Variants in NRXN3 observed in about 807,000 individuals in gnomAD.
NRXN3 encodes neurexin 3.
A neutral mutation model predicts 137.6 loss-of-function variants in NRXN3; 32 were observed. That is an observed-to-expected ratio of 0.23 (90% confidence interval 0.18 to 0.31). The LOEUF is 0.31. Among genes scored for constraint, NRXN3 ranks in the 10% least tolerant of loss-of-function variants. The pLI, the probability that NRXN3 is intolerant of heterozygous loss-of-function variation, is 1.00. For synonymous variants in NRXN3, 798 were observed against 784.5 expected (o/e 1.02, Z -0.29); for missense variants, 1,574 against 2,062.5 (o/e 0.76, Z 4.59).
chr14:79,511,703 A>G (rs534301792), intron 16 of NRXN3, among the ~76,000 whole-genome samples: 1 of 152,078 alleles, frequency 6.6e-6, no homozygotes, highest in African/African-American at 2.4e-5. Flanking sequence ...GAATCAACCT[A>G]TATTTGAGGA....
chr14:79,859,897 T>C (rs1367684462), intron 20 of NRXN3, among the ~76,000 whole-genome samples: 1 of 152,178 alleles, frequency 6.6e-6, no homozygotes, highest in Non-Finnish European at 1.5e-5. Context: ...TTTTCTGGAA[T>C]ATATTCAATA....
At chr14:78,292,371 A>T (rs572500156) in intron 3 of NRXN3, among the ~76,000 whole-genome samples, 99 of 152,352 alleles carry the variant, frequency 6.5e-4, no homozygotes, top group African/African-American at 2.3e-3. Flanking sequence ...TCAACTTTGT[A>T]TGCCTTATCT....
intron 4 of NRXN3, among the ~76,000 whole-genome samples, chr14:78,405,275 C>A (rs1376430052): frequency 3.9e-5 from 6 of 152,092 alleles, no homozygotes; most frequent in African/African-American, 1.4e-4. Context: ...GGGATTGAGT[C>A]ATACATGGAG....
rs919291997 is a variant in NRXN3, at chr14:79,626,040, A to G, written c.3445-37738A>G. Among the ~76,000 whole-genome samples the G allele has an allele frequency of 2.0e-5, 3 of 152,248 alleles. No individual in the cohort carries two copies. In the East Asian group the frequency reaches 5.8e-4, roughly 29 times the overall value. ...CTCTGTAGGTATAAACAGTTTAATTACTTATAAGTTTACATGTCTGCTTAT... is the reference window on the plus strand; with the variant it reads ...CTCTGTAGGTATAAACAGTTTAATTGCTTATAAGTTTACATGTCTGCTTAT... On this transcript the variant is annotated intron_variant, in intron 16 of 20. Transcript: ENST00000335750.
intron 4 of NRXN3, among the ~76,000 whole-genome samples, chr14:78,485,000 C>A (rs2095539117): frequency 6.6e-6 from 1 of 152,022 alleles, no homozygotes; most frequent in African/African-American, 2.4e-5. Flanking sequence ...GCTCAGTCAC[C>A]CTTATAATGC....
At chr14:78,302,647 G>A (rs577293848) in intron 4 of NRXN3, among the ~76,000 whole-genome samples, 1 of 152,294 alleles carries the variant, frequency 6.6e-6, no homozygotes, top group African/African-American at 2.4e-5. Flanking sequence ...ACTAAGGGAG[G>A]CACTTCAGTG....
chr14:78,312,984 A>G (rs546713589), intron 4 of NRXN3, among the ~76,000 whole-genome samples: 64 of 152,320 alleles, frequency 4.2e-4, no homozygotes, highest in African/African-American at 1.4e-3. Flanking sequence ...ATTTAGTTCT[A>G]TTATCCTGTG....
Position 79,077,018 on chromosome 14 carries a change from T to C in NRXN3, c.3262+88877T>C, listed in dbSNP as rs187183757. ...AAGAGATTAATGTTTGGTGTTATCC[T>C]TTCTGGACAATTTTCTTCCTATGCT... On this transcript the variant is annotated intron_variant, in intron 15 of 20. Transcript: ENST00000335750. 4.4e-4 allele frequency among the ~76,000 whole-genome samples: 67 copies of C among 152,342 alleles called. No homozygotes were observed. The East Asian group carries it at 4.8e-3, about 11-fold the overall frequency.
At chr14:79,115,119 A>C (rs951666933) in intron 15 of NRXN3, among the ~76,000 whole-genome samples, 3 of 152,052 alleles carry the variant, frequency 2.0e-5, no homozygotes, top group African/African-American at 7.2e-5. Flanking sequence ...TGAGGTCAGG[A>C]TTTTGAGACC....
At chr14:78,440,198 A>C (rs1567595685) in intron 4 of NRXN3, among the ~76,000 whole-genome samples, 1 of 152,186 alleles carries the variant, frequency 6.6e-6, no homozygotes, top group African/African-American at 2.4e-5. Flanking sequence ...ACAGTTAATC[A>C]TTTGTTTATT....
intron 16 of NRXN3, among the ~76,000 whole-genome samples, chr14:79,525,337 T>C (rs1203126978): frequency 6.6e-6 from 1 of 152,146 alleles, no homozygotes; most frequent in Admixed American, 6.6e-5. Context: ...TGGTGCTAGT[T>C]CCAATGCAAG....
chr14:78,629,797 T>G (rs1028596247), intron 4 of NRXN3, among the ~76,000 whole-genome samples: 3 of 152,222 alleles, frequency 2.0e-5, no homozygotes, highest in Non-Finnish European at 4.4e-5. Context: ...GTTCACCTTA[T>G]TCATAGGATG....
At chr14:79,711,479 TTTC>T (rs532316583) in intron 19 of NRXN3, among the ~76,000 whole-genome samples, 19 of 151,798 alleles carry the variant, frequency 1.3e-4, no homozygotes, top group African/African-American at 4.6e-4. Context: ...TTCTTATTTA[TTTC>T]TTATTTATAT....
chr14:78,740,887 A>G (rs949689672), intron 8 of NRXN3, among the ~76,000 whole-genome samples: 47 of 152,168 alleles, frequency 3.1e-4, no homozygotes, highest in Non-Finnish European at 1.5e-4. Context: ...TTCAGTAAAC[A>G]TATAAAATCT....
chr14:78,867,756 T>C lies in NRXN3; in HGVS notation c.2275+57412T>C, dbSNP rs973796207. Among the ~76,000 whole-genome samples the C allele has an allele frequency of 2.0e-5, 3 of 152,246 alleles. No individual in the cohort carries two copies. The South Asian group carries it at 6.2e-4, about 32-fold the overall frequency. On this transcript the variant is annotated intron_variant, in intron 10 of 20. Coordinates refer to ENST00000335750, the MANE Select transcript of NRXN3 (RefSeq NM_001330195.2). ...TTACCCCCAGTTTATTAACATTAGA[T>C]TGTACTCTTTTGTCCTCCAATTATA... is the stretch of plus-strand genomic sequence containing the variant.
intron 16 of NRXN3, among the ~76,000 whole-genome samples, chr14:79,604,129 G>T (rs1211277057): frequency 6.6e-6 from 1 of 152,000 alleles, no homozygotes; most frequent in Non-Finnish European, 1.5e-5. Context: ...CTGACTTCAT[G>T]ATCTGCCCGC....
chr14:79,061,678 A>G (rs1269252510), intron 15 of NRXN3, among the ~76,000 whole-genome samples: 1 of 152,216 alleles, frequency 6.6e-6, no homozygotes, highest in African/African-American at 2.4e-5. Flanking sequence ...TCCAACACCC[A>G]TGACAAGGTC....
chr14:78,260,349 C>T (rs191118916), intron 2 of NRXN3, among the ~76,000 whole-genome samples: 1 of 152,344 alleles, frequency 6.6e-6, no homozygotes, highest in Non-Finnish European at 1.5e-5. Context: ...ACTGGACTCA[C>T]TGTTCTTGGA....
chr14:79,405,421 G>C (rs2095291076), intron 15 of NRXN3, among the ~76,000 whole-genome samples: 2 of 152,060 alleles, frequency 1.3e-5, no homozygotes, highest in Admixed American at 6.6e-5. Context: ...TTGGGCACTT[G>C]AATTCTTCTC....
Sources: allele counts gnomAD v4.1 joint callset (sites outside exome capture counted in the v4.1 genomes callset), GRCh38; gene constraint gnomAD v4.1.1; transcripts MANE v1.5; gene names NCBI Gene and HGNC (gene_info 2026-07-23, HGNC 2026-07-21).